Variants in KMT2C observed in about 807,000 individuals in gnomAD.
The protein encoded by KMT2C is histone-lysine N-methyltransferase 2C.
KMT2C carries 88 observed loss-of-function variants against 507.9 expected under a neutral mutation model. That is an observed-to-expected ratio of 0.17 (90% confidence interval 0.15 to 0.21). KMT2C has a LOEUF of 0.21. Among genes scored for constraint, KMT2C ranks in the 10% least tolerant of loss-of-function variants. The pLI is 1.00. For missense variants in KMT2C, 4,954 were observed against 5,957.8 expected, an observed-to-expected ratio of 0.83 and a Z score of 5.55; for synonymous variants, 2,049 against 2,080.8, an observed-to-expected ratio of 0.98 and a Z score of 0.42.
At chr7:152,196,316 G>A (rs903517326) in intron 27 of KMT2C, among the ~76,000 whole-genome samples, 6 of 152,148 alleles carry the variant, frequency 3.9e-5, no homozygotes, top group African/African-American at 1.4e-4. Flanking sequence ...AGAAAAAAAA[G>A]TTTTTCATTA....
chr7:152,330,451 C>T, intron 3 of KMT2C, 150 bp downstream of exon 3: 1 of 722,404 alleles, frequency 1.4e-6, no homozygotes, highest in Non-Finnish European at 2.3e-6. Context: ...CAACTAAACA[C>T]AGAGGTATCA....
chr7:152,151,012 A>G lies in KMT2C; in HGVS notation c.12667-5T>C, dbSNP rs1187206665. ...CTTGGTGCTTTCTCGGGAATCCTGA[A>G]AAGCAAAGAGAAATGTGTGGGAATC... On this transcript the variant is annotated splice_polypyrimidine_tract_variant and splice_region_variant and intron_variant, in intron 50 of 58. Coordinates refer to ENST00000262189, the MANE Select transcript of KMT2C (RefSeq NM_170606.3). 1 of 1,567,456 alleles carries G rather than the reference A, an allele frequency of 6.4e-7. No individual in the cohort carries two copies. Among genetic ancestry groups the G allele is most frequent in the Non-Finnish European group, 8.8e-7 (1 of 1,141,218 alleles).
chr7:152,355,351 T>G (rs898221123), intron 2 of KMT2C, among the ~76,000 whole-genome samples: 10 of 152,200 alleles, frequency 6.6e-5, no homozygotes, highest in Admixed American at 6.5e-4. Context: ...AGAAGAGATG[T>G]TAAGAAACAA....
chr7:152,428,456 T>TAA (rs2097841210), intron 1 of KMT2C, among the ~76,000 whole-genome samples: 1 of 17,904 alleles, frequency 5.6e-5, no homozygotes. Flanking sequence ...CTACTAAAAA[T>TAA]ACAAAAAAAA....
intron 27 of KMT2C, among the ~76,000 whole-genome samples, chr7:152,198,820 T>A (rs2094043098): frequency 6.6e-6 from 1 of 152,126 alleles, no homozygotes; most frequent in Admixed American, 6.6e-5. Flanking sequence ...GAATTACTGG[T>A]GCAAACTGTC....
At position 152,181,989 on chromosome 7, in the gene KMT2C, C is replaced by T. The variant is rs564983459; in HGVS notation, c.5871G>A (p.Thr1957=). The T allele has an allele frequency of 1.7e-5, 27 of 1,614,074 alleles. No homozygotes were observed. The East Asian group carries it at 4.0e-4, about 24-fold the overall frequency. ...GTTTTGCATAGGGGTCATTATTTGT[C>T]GTGGAAGAAGAACATAAATCTCTGA... ...SPVRDLCSSS[T]TNNDPYAKPP... The change falls in exon 36 of 59, where the codon ACG becomes ACA. Residue 1957 remains threonine (T), a synonymous_variant. Transcript: ENST00000262189.
intron 2 of KMT2C, among the ~76,000 whole-genome samples, chr7:152,344,718 TGG>T: frequency 6.6e-6 from 1 of 152,052 alleles, no homozygotes; most frequent in Middle Eastern, 3.4e-3. Context: ...CTGGGCATGG[TGG>T]CTCACGCCTG....
chr7:152,357,742 G>GA (rs1314789807), intron 2 of KMT2C, among the ~76,000 whole-genome samples: 1 of 152,110 alleles, frequency 6.6e-6, no homozygotes, highest in African/African-American at 2.4e-5. Context: ...TTATTGGAAA[G>GA]AAACTATAGA....
intron 1 of KMT2C, among the ~76,000 whole-genome samples, chr7:152,370,142 C>T (rs1305517292): frequency 1.3e-5 from 2 of 150,284 alleles, no homozygotes; most frequent in East Asian, 1.9e-4. Flanking sequence ...TGCAGTGAGC[C>T]GAGATCACAC....
intron 1 of KMT2C, among the ~76,000 whole-genome samples, chr7:152,428,924 A>C (rs1257739696): frequency 6.6e-6 from 1 of 152,162 alleles, no homozygotes; most frequent in East Asian, 1.9e-4. Context: ...GATAAAGCCC[A>C]AACTCATGAG....
At chr7:152,221,934 T>C (rs2094785234) in intron 22 of KMT2C, 67 bp downstream of exon 22, 10 of 1,218,552 alleles carry the variant, frequency 8.2e-6, no homozygotes, top group Non-Finnish European at 1.2e-5. Context: ...TGACAAGTGG[T>C]AAGCCAATTA....
intron 3 of KMT2C, among the ~76,000 whole-genome samples, chr7:152,330,177 G>GT (rs1338474123): frequency 1.6e-5 from 2 of 128,116 alleles, no homozygotes; most frequent in African/African-American, 5.8e-5. Flanking sequence ...GGTGGGGGGG[G>GT]GGAGAAAAAG....
chr7:152,212,996 G>A (rs1284989313), intron 23 of KMT2C, among the ~76,000 whole-genome samples: 5 of 152,298 alleles, frequency 3.3e-5, no homozygotes, highest in East Asian at 1.9e-4. Context: ...TGCAGTGAGC[G>A]GAGATCACAC....
At chr7:152,307,259 A>T (rs1290451177) in intron 6 of KMT2C, among the ~76,000 whole-genome samples, 5 of 120,358 alleles carry the variant, frequency 4.2e-5, no homozygotes, top group South Asian at 2.6e-4. Context: ...GGACGGTAGG[A>T]AGGAAGGAAG....
intron 2 of KMT2C, among the ~76,000 whole-genome samples, chr7:152,337,166 A>G (rs915254671): frequency 2.6e-5 from 4 of 152,132 alleles, no homozygotes; most frequent in African/African-American, 9.7e-5. Context: ...GCTATTCAGG[A>G]GGCTGAGGTG....
intron 1 of KMT2C, among the ~76,000 whole-genome samples, chr7:152,365,465 C>T (rs1341493488): frequency 6.6e-6 from 1 of 152,194 alleles, no homozygotes; most frequent in Non-Finnish European, 1.5e-5. Context: ...GAAATCGCAC[C>T]GCTGCACTCC....
At chr7:152,384,552 C>CACCACT (rs2097403743) in intron 1 of KMT2C, among the ~76,000 whole-genome samples, 1,930 of 44,450 alleles carry the variant, frequency 0.043, 225 homozygotes, top group African/African-American at 0.096. Context: ...TGCATAACAC[C>CACCACT]ACCACCACCA....
At chr7:152,307,195 G>GAGGAAGGAAGGAAGGAAGGAAGGA (rs565184971) in intron 6 of KMT2C, among the ~76,000 whole-genome samples, 48 of 64,948 alleles carry the variant, frequency 7.4e-4, no homozygotes, top group South Asian at 1.3e-3. Context: ...AAAGAAGAGG[G>GAGGAAGGAAGGAAGGAAGGAAGGA]AGGAAGGAAG....
chr7:152,159,324 C>A (rs532874500), intron 43 of KMT2C, among the ~76,000 whole-genome samples: 46 of 152,336 alleles, frequency 3.0e-4, no homozygotes, highest in Non-Finnish European at 4.0e-4. Flanking sequence ...AAGGCCACAG[C>A]CCTTTCTGGC....
Sources: gnomAD v4.1 joint callset for allele counts (sites outside exome capture counted in the v4.1 genomes callset) on GRCh38, gnomAD v4.1.1 for gene constraint, MANE v1.5 for transcripts, NCBI Gene and HGNC (gene_info 2026-07-23, HGNC 2026-07-21) for gene names.